Variants in DLG2 observed in about 807,000 individuals in gnomAD.
The protein encoded by DLG2 is discs large MAGUK scaffold protein 2.
A neutral mutation model predicts 132.5 loss-of-function variants in DLG2; 45 were observed. That is an observed-to-expected ratio of 0.34 (90% CI 0.27 to 0.44). DLG2 has a LOEUF of 0.44. DLG2 is among the 20% of genes least tolerant of loss of function. The probability of loss-of-function intolerance (pLI) is 1.00; values close to 1 mark genes in which losing one functional copy is unlikely to be tolerated. For missense variants in DLG2, 1,045 were observed against 1,196.9 expected (o/e 0.87, Z 1.87); for synonymous variants, 424 against 419.6 (o/e 1.01, Z -0.13).
chr11:84,524,144 G>C (rs932976619), intron 7 of DLG2, among the ~76,000 whole-genome samples: 14 of 152,296 alleles, frequency 9.2e-5, no homozygotes, highest in African/African-American at 3.1e-4. Flanking sequence ...AATGCTTTAA[G>C]AAAGTTTACG....
intron 18 of DLG2, among the ~76,000 whole-genome samples, chr11:83,646,062 G>C (rs1353022033): frequency 6.6e-6 from 1 of 152,046 alleles, no homozygotes; most frequent in East Asian, 1.9e-4. Context: ...ACTTATGTTT[G>C]ATTGATTTTA....
intron 6 of DLG2, among the ~76,000 whole-genome samples, chr11:84,734,545 G>C (rs185697524): frequency 0.012 from 1,895 of 152,212 alleles, 18 homozygotes; most frequent in Non-Finnish European, 0.022. Flanking sequence ...GGGCTGAGAC[G>C]ATGGGGTTTT....
chr11:84,166,542 G>GAAAGAAAA (rs2095670220), intron 8 of DLG2, among the ~76,000 whole-genome samples: 1 of 133,172 alleles, frequency 7.5e-6, no homozygotes, highest in African/African-American at 2.8e-5. Flanking sequence ...AAGAAAGAAA[G>GAAAGAAAA]AAAAAAACAA....
chr11:84,988,676 G>A (rs1189714719), intron 6 of DLG2, among the ~76,000 whole-genome samples: 2 of 152,160 alleles, frequency 1.3e-5, no homozygotes, highest in African/African-American at 4.8e-5. Context: ...CTATGAGGAT[G>A]CAAAGGCATA....
At chr11:84,869,878 C>T (rs1292572115) in intron 6 of DLG2, among the ~76,000 whole-genome samples, 2 of 152,172 alleles carry the variant, frequency 1.3e-5, no homozygotes, top group Non-Finnish European at 2.9e-5. Flanking sequence ...TCAGGGTTTT[C>T]CTAAACTAGA....
intron 16 of DLG2, among the ~76,000 whole-genome samples, chr11:83,848,247 C>T (rs2059019091): frequency 1.3e-5 from 2 of 151,888 alleles, no homozygotes; most frequent in South Asian, 2.1e-4. Context: ...ATGAGAACTA[C>T]AACCCCCTTG....
At chr11:85,215,477 G>C (rs1400629) in intron 4 of DLG2, among the ~76,000 whole-genome samples, 121,674 of 152,118 alleles carry the variant, frequency 0.8, 49,338 homozygotes, top group Non-Finnish European at 0.88. Flanking sequence ...GGATTATTTT[G>C]AGCTGAAAGC....
intron 6 of DLG2, among the ~76,000 whole-genome samples, chr11:85,007,214 C>G (rs1004239934): frequency 6.6e-6 from 1 of 152,074 alleles, no homozygotes. Context: ...CTCAAAGAAC[C>G]TTACCCATAT....
intron 6 of DLG2, among the ~76,000 whole-genome samples, chr11:84,604,315 A>G (rs7931388): frequency 0.11 from 17,264 of 151,918 alleles, 1,094 homozygotes; most frequent in Admixed American, 0.17. Flanking sequence ...AGAGAAGAAT[A>G]TATTAAGATA....
At chr11:85,479,504 A>G (rs993104219) in intron 3 of DLG2, among the ~76,000 whole-genome samples, 2 of 152,228 alleles carry the variant, frequency 1.3e-5, no homozygotes, top group Non-Finnish European at 2.9e-5. Context: ...CTATAACAGT[A>G]TCCATAAAAA....
intron 5 of DLG2, among the ~76,000 whole-genome samples, chr11:85,112,976 T>C (rs1384793997): frequency 6.6e-6 from 1 of 152,096 alleles, no homozygotes; most frequent in Non-Finnish European, 1.5e-5. Flanking sequence ...AATTTTTGCC[T>C]GTGATTTGTA....
chr11:84,991,508 C>CAA (rs760113916), intron 6 of DLG2, among the ~76,000 whole-genome samples: 16 of 108,732 alleles, frequency 1.5e-4, no homozygotes, highest in Admixed American at 3.0e-4. Flanking sequence ...GACACCTTCT[C>CAA]AAAAAAAAAA....
intron 11 of DLG2, among the ~76,000 whole-genome samples, chr11:84,048,870 G>A (rs2096293589): frequency 6.6e-6 from 1 of 151,586 alleles, no homozygotes; most frequent in Admixed American, 6.6e-5. Flanking sequence ...TATTGACAAA[G>A]CTATCCATGG....
chr11:84,062,012 G>C (rs2096598978), intron 10 of DLG2, among the ~76,000 whole-genome samples: 2 of 152,046 alleles, frequency 1.3e-5, no homozygotes, highest in African/African-American at 4.8e-5. Context: ...TCTATGCTCA[G>C]AATACTAATT....
intron 8 of DLG2, among the ~76,000 whole-genome samples, chr11:84,229,174 T>A (rs1014322350): frequency 6.6e-6 from 1 of 152,130 alleles, no homozygotes; most frequent in Non-Finnish European, 1.5e-5. Flanking sequence ...TATTTTTTAA[T>A]GGAAAAGTTA....
chr11:84,964,184 A>G (rs1260308796), intron 6 of DLG2, among the ~76,000 whole-genome samples: 1 of 151,946 alleles, frequency 6.6e-6, no homozygotes, highest in Non-Finnish European at 1.5e-5. Context: ...TCTCTGGCAT[A>G]TATCAGAAAA....
chr11:84,275,305 T>C (rs1317931636), intron 7 of DLG2, among the ~76,000 whole-genome samples: 1 of 152,250 alleles, frequency 6.6e-6, no homozygotes, highest in Admixed American at 6.5e-5. Flanking sequence ...TTGCATTCAT[T>C]CATTTATTCA....
At chr11:85,567,016 A>G (rs140947262) in intron 3 of DLG2, among the ~76,000 whole-genome samples, 64 of 152,254 alleles carry the variant, frequency 4.2e-4, no homozygotes, top group African/African-American at 1.5e-3. Context: ...TCTCAATTCT[A>G]TTCCATTGAT....
At chr11:84,079,967 C>T (rs964806569) in intron 10 of DLG2, among the ~76,000 whole-genome samples, 5 of 152,198 alleles carry the variant, frequency 3.3e-5, no homozygotes, top group Non-Finnish European at 7.3e-5. Flanking sequence ...TACAAGGCTT[C>T]CCCTGAGTAT....
Sources: gnomAD v4.1 joint callset for allele counts (sites outside exome capture counted in the v4.1 genomes callset) on GRCh38, gnomAD v4.1.1 for gene constraint, MANE v1.5 for transcripts, NCBI Gene and HGNC (gene_info 2026-07-23, HGNC 2026-07-21) for gene names.